The following CEP295 variants were observed in gnomAD, a reference collection of about 807,000 sequenced individuals.
CEP295 encodes the protein centrosomal protein 295.
Under a neutral mutation model 291.6 loss-of-function variants are expected in CEP295, and 190 were observed. The observed-to-expected ratio is 0.65, with a 90% confidence interval of 0.58 to 0.73. The LOEUF (loss-of-function observed/expected upper bound fraction) is 0.73, where lower values mean the gene tolerates loss of function less well. CEP295 is among the 30% of genes least tolerant of loss of function. CEP295 has a pLI of 0.00. For missense variants in CEP295, 2,863 were observed against 2,949.4 expected (o/e 0.97, Z 0.68); for synonymous variants, 993 against 1,038.8 (o/e 0.96, Z 0.85).
chr11:93,702,694 C>T (rs1952247546), intron 16 of CEP295, 57 bp downstream of exon 16: 2 of 1,530,694 alleles, frequency 1.3e-6, no homozygotes, highest in East Asian at 4.9e-5. Context: ...GTTTTCGTCC[C>T]CTGTAGCTTG....
chr11:93,716,961 A>T (rs190679269), intron 18 of CEP295, among the ~76,000 whole-genome samples: 1 of 152,324 alleles, frequency 6.6e-6, no homozygotes, highest in Admixed American at 6.5e-5. Context: ...GAATCTATAA[A>T]ATCTATAAAC....
rs1951891904 is a variant in CEP295, at chr11:93,697,308, C to G, written c.2396C>G (p.Pro799Arg). 6.4e-7 allele frequency: 1 copy of G among 1,551,606 alleles called. No homozygotes were observed. Among genetic ancestry groups the G allele is most frequent in the Non-Finnish European group, 8.7e-7 (1 of 1,147,004 alleles). Residue 799 changes from proline (P) to arginine (R), a missense_variant, in exon 15 of 30, where the codon CCT becomes CGT. By Grantham distance (103) the Pro-to-Arg change is moderately radical. Coordinates refer to ENST00000325212, the MANE Select transcript of CEP295 (RefSeq NM_033395.2). ...LVPQHSFSSL[P>R]VKVESGKIQE... Reference sequence around the variant, plus strand: ...CCTCAGCATTCTTTTAGTTCTCTGCCTGTTAAAGTTGAGTCAGGAAAAATT... The same window carrying G: ...CCTCAGCATTCTTTTAGTTCTCTGCGTGTTAAAGTTGAGTCAGGAAAAATT...
At chr11:93,710,394 T>C (rs898227212) in intron 18 of CEP295, among the ~76,000 whole-genome samples, 1 of 152,218 alleles carries the variant, frequency 6.6e-6, no homozygotes, top group Non-Finnish European at 1.5e-5. Flanking sequence ...CATGTGGTTT[T>C]TGTCCTTCAT....
intron 9 of CEP295, among the ~76,000 whole-genome samples, chr11:93,686,905 C>T (rs555144585): frequency 1.3e-5 from 2 of 152,130 alleles, no homozygotes; most frequent in Non-Finnish European, 2.9e-5. Flanking sequence ...GACAAAACTA[C>T]AATCTGCCTA....
At chr11:93,729,047 G>C in intron 25 of CEP295, 1 of 527,428 alleles carries the variant, frequency 1.9e-6, no homozygotes, top group Non-Finnish European at 3.3e-6. Context: ...AAGACTGGCA[G>C]AACTAATCTT....
At chr11:93,686,096 A>C (rs1951221305) in intron 9 of CEP295, among the ~76,000 whole-genome samples, 1 of 151,762 alleles carries the variant, frequency 6.6e-6, no homozygotes, top group Non-Finnish European at 1.5e-5. Flanking sequence ...AGGTGGGAGG[A>C]TCATTTGAGT....
At chr11:93,679,659 A>G (rs1950866684) in intron 7 of CEP295, 107 bp downstream of exon 7, 3 of 875,048 alleles carry the variant, frequency 3.4e-6, no homozygotes, top group Admixed American at 3.5e-5. Flanking sequence ...TGGGTGTTCA[A>G]TATAGTCTCT....
intron 2 of CEP295, among the ~76,000 whole-genome samples, chr11:93,667,307 G>C (rs986533480): frequency 6.6e-6 from 1 of 152,154 alleles, no homozygotes; most frequent in African/African-American, 2.4e-5. Context: ...AGATTTTGTT[G>C]AATCATATTT....
intron 24 of CEP295, 105 bp downstream of exon 24, chr11:93,727,742 G>A: frequency 1.1e-6 from 1 of 889,820 alleles, no homozygotes; most frequent in South Asian, 1.9e-5. Context: ...TACCCAGGCT[G>A]AACTCAAACT....
At chr11:93,685,788 A>C (rs534271676) in intron 9 of CEP295, among the ~76,000 whole-genome samples, 1 of 152,014 alleles carries the variant, frequency 6.6e-6, no homozygotes, top group Non-Finnish European at 1.5e-5. Context: ...TTGGCTCACC[A>C]CAACCTCCAC....
At chr11:93,666,871 T>G in intron 2 of CEP295, 56 bp downstream of exon 2, 1 of 982,910 alleles carries the variant, frequency 1.0e-6, no homozygotes, top group Non-Finnish European at 1.5e-6. Flanking sequence ...ATTACTTGTA[T>G]TCTTTTACAT....
In CEP295 at chr11:93,699,739, A is replaced by G; in HGVS notation, c.4827A>G (p.Ala1609=). ...ATAATATGACAGCACAATTGGATGC[A>G]CAAAGGGAAGTGATGTATTCTTATG... is the stretch of plus-strand genomic sequence containing the variant. ...QQDNMTAQLD[A]QREVMYSYEK... is the part of the protein sequence containing the mutation. The change falls in exon 15 of 30, where the codon GCA becomes GCG. Residue 1609 remains alanine (A), a synonymous_variant. Transcript: ENST00000325212. 1.3e-6 allele frequency: 2 copies of G among 1,551,970 alleles called. No homozygotes were observed. The highest frequency in any genetic ancestry group is 8.7e-7 in the Non-Finnish European group (1 of 1,147,056).
At chr11:93,729,332 G>T (rs1218663269) in intron 25 of CEP295, 102 bp from the exon 26 acceptor site, 7 of 759,558 alleles carry the variant, frequency 9.2e-6, no homozygotes, top group Non-Finnish European at 1.4e-5. Flanking sequence ...GATTGAGGCT[G>T]CAGTGAGGTG....
chr11:93,727,795 T>C (rs377569347), intron 24 of CEP295, 158 bp downstream of exon 24: 1 of 607,818 alleles, frequency 1.6e-6, no homozygotes, highest in Non-Finnish European at 2.8e-6. Context: ...CCGAAGTAGT[T>C]TGGACACACC....
In CEP295 at chr11:93,668,814, G is replaced by T; in HGVS notation, c.316G>T (p.Asp106Tyr). 1 of 1,519,818 alleles carries T rather than the reference G, an allele frequency of 6.6e-7. No homozygotes were observed. The highest frequency in any genetic ancestry group is 8.8e-7 in the Non-Finnish European group (1 of 1,134,986). The allele number at this position is 1,519,818 out of a possible 1,614,324, so 94.1% of individuals were successfully genotyped here. A position where few individuals can be genotyped will look rare whatever the true frequency, so the allele number is the denominator to read the frequency against. The change falls in exon 4 of 30, where the codon GAT becomes TAT. Residue 106 changes from aspartate (D) to tyrosine (Y), a missense_variant. By Grantham distance (160) the Asp-to-Tyr change is radical (BLOSUM62 -3). Around this residue, in one of 3 missense-constraint regions of CEP295, gnomAD observed 554 missense variants for 576.0 expected, o/e 0.96. Transcript: ENST00000325212. Reference sequence around the variant, plus strand: ...AAGTAATATATATTTTTAGGAACCTGATTTGGATGCTTTGGCACAGCGGGC... The same window carrying T: ...AAGTAATATATATTTTTAGGAACCTTATTTGGATGCTTTGGCACAGCGGGC... ...GHRQAKENEP[D>Y]LDALAQRAAE...
At chr11:93,685,926 G>A (rs1951212408) in intron 9 of CEP295, among the ~76,000 whole-genome samples, 1 of 151,970 alleles carries the variant, frequency 6.6e-6, no homozygotes, top group African/African-American at 2.4e-5. Flanking sequence ...GGCCAGGCTG[G>A]TCTCGAACTC....
chr11:93,721,460 C>T (rs779140888), intron 19 of CEP295, 48 bp downstream of exon 19: 8 of 1,158,368 alleles, frequency 6.9e-6, no homozygotes, highest in South Asian at 2.4e-5. Flanking sequence ...TGTTTGGCTT[C>T]GTATTCTCTT....
Position 93,696,506 on chromosome 11 carries a change from T to C in CEP295, c.1769+89T>C, listed in dbSNP as rs1951851541. The C allele has an allele frequency of 3.6e-6, 4 of 1,101,964 alleles. No homozygotes were observed. In the Admixed American group the frequency reaches 9.6e-5, roughly 26 times the overall value. The allele number at this position is 1,101,964 out of a possible 1,614,324, so 68.3% of individuals were successfully genotyped here. A position where few individuals can be genotyped will look rare whatever the true frequency, so the allele number is the denominator to read the frequency against. On this transcript the variant is annotated intron_variant, in intron 14 of 29. Coordinates refer to ENST00000325212, the MANE Select transcript of CEP295 (RefSeq NM_033395.2). The stretch of plus-strand genomic sequence containing the variant: ...CATTTATATGAGGATCTAATTTGGA[T>C]TTCCTTAGAATTATGGCATTTAGAA...
chr11:93,720,473 CAA>C (rs530395939), intron 18 of CEP295, among the ~76,000 whole-genome samples: 1 of 19,428 alleles, frequency 5.1e-5, no homozygotes, highest in East Asian at 3.0e-3. Context: ...GAGTCTGCCT[CAA>C]AAAAAAAAAA....
Sources: gnomAD v4.1 joint callset for allele counts (sites outside exome capture counted in the v4.1 genomes callset) on GRCh38, gnomAD v4.1.1 for gene constraint, gnomAD v4.1.1 regional missense constraint, MANE v1.5 for transcripts, NCBI Gene and HGNC (gene_info 2026-07-23, HGNC 2026-07-21) for gene names.